RBFOX1: variants seen among roughly 807,000 people sequenced by gnomAD.
The protein encoded by RBFOX1 is RNA binding protein fox-1 homolog 1.
RBFOX1 carries 8 observed loss-of-function variants against 57.7 expected under a neutral mutation model. The ratio of observed to expected loss-of-function variants is 0.14; its 90% CI spans 0.08 to 0.25. The LOEUF (loss-of-function observed/expected upper bound fraction) is 0.25. Ranked by LOEUF, RBFOX1 falls within the 10% of genes least tolerant of loss-of-function variation. The probability of loss-of-function intolerance (pLI) is 1.00; values close to 1 mark genes in which losing one functional copy is unlikely to be tolerated. For synonymous variants in RBFOX1, 326 were observed against 222.4 expected (o/e 1.47, Z -4.15); for missense variants, 611 against 548.5 (o/e 1.11, Z -1.14).
intron 15 of RBFOX1, 157 bp from the exon 16 acceptor site, chr16:7,710,466 C>G: frequency 1.3e-6 from 2 of 1,493,056 alleles, no homozygotes; most frequent in Non-Finnish European, 1.8e-6. Context: ...CAGGAATGGC[C>G]CTATCTTTAG....
chr16:7,431,006 T>A (rs1256946592), intron 4 of RBFOX1, among the ~76,000 whole-genome samples: 2 of 152,172 alleles, frequency 1.3e-5, no homozygotes, highest in Non-Finnish European at 2.9e-5. Context: ...TAGTTTTGCT[T>A]TCACAATCAT....
intron 1 of RBFOX1, among the ~76,000 whole-genome samples, chr16:6,212,884 A>T (rs1227676848): frequency 6.6e-6 from 1 of 152,214 alleles, no homozygotes; most frequent in African/African-American, 2.4e-5. Context: ...TAGTAAAAAA[A>T]AGTCTGTTAT....
intron 2 of RBFOX1, among the ~76,000 whole-genome samples, chr16:6,361,060 A>C: frequency 6.6e-6 from 1 of 152,252 alleles, no homozygotes; most frequent in Admixed American, 6.5e-5. Flanking sequence ...TTTGTCTAAA[A>C]GTTTAATCTT....
At chr16:5,243,177 G>C (rs971901613) in intron 1 of RBFOX1, among the ~76,000 whole-genome samples, 5 of 152,164 alleles carry the variant, frequency 3.3e-5, no homozygotes, top group African/African-American at 1.2e-4. Context: ...TGGAGGGAGA[G>C]AGAAGTCTCT....
At chr16:6,052,835 A>ATAATAATAT (rs1420538281) in intron 1 of RBFOX1, among the ~76,000 whole-genome samples, 4 of 148,726 alleles carry the variant, frequency 2.7e-5, no homozygotes, top group African/African-American at 7.4e-5. Context: ...AATAATAATA[A>ATAATAATAT]TATTAATGCC....
intron 4 of RBFOX1, among the ~76,000 whole-genome samples, chr16:7,156,668 A>G (rs1601331749): frequency 1.3e-5 from 2 of 152,156 alleles, no homozygotes; most frequent in African/African-American, 4.8e-5. Context: ...AATTTTTAAT[A>G]GTTTTAGTAG....
chr16:5,827,402 G>GAAAAA lies in RBFOX1; in HGVS notation c.319-39901_319-39900insAAAAA, dbSNP rs374545272. ...ATGACAGAGCAAGACTCCATCTCAG[G>GAAAAA]GAAAAAAAAAAAAAAAAAAGAAAAG... On this transcript the variant is annotated intron_variant, in intron 3 of 19. Coordinates refer to the RBFOX1 transcript ENST00000641259. Among the ~76,000 whole-genome samples, 72 of 100,096 alleles carry GAAAAA rather than the reference G, an allele frequency of 7.2e-4. 5 individuals carry two copies. Among genetic ancestry groups the GAAAAA allele is most frequent in the East Asian group, 9.4e-4 (3 of 3,198 alleles). 65.7% of individuals were successfully genotyped at this position (100,096 alleles called of 152,430 possible).
chr16:6,429,617 G>A (rs1406337483), intron 2 of RBFOX1, among the ~76,000 whole-genome samples: 2 of 152,170 alleles, frequency 1.3e-5, no homozygotes, highest in African/African-American at 2.4e-5. Context: ...ATGTGTCAAG[G>A]GTGGGGCCAG....
At position 6,859,151 on chromosome 16, in the gene RBFOX1, ATG is replaced by A. The variant is rs1470933687; in HGVS notation, c.-15-192904_-15-192903del. Reference sequence around the variant, plus strand: ...TATACATATATATACGTATATATATATGTATATATATACGTATATATATGTAT... The same window carrying A: ...TATACATATATATACGTATATATATATATATATATACGTATATATATGTAT... On this transcript the variant is annotated intron_variant, in intron 3 of 15. Transcript: ENST00000550418. Among the ~76,000 whole-genome samples, 40 of 81,920 alleles carry A rather than the reference ATG, an allele frequency of 4.9e-4. 2 individuals are homozygous for A. The highest frequency in any genetic ancestry group is 5.7e-3 in the Middle Eastern group (1 of 174). 53.7% of individuals were successfully genotyped at this position (81,920 alleles called of 152,430 possible). A position where few individuals can be genotyped will look rare whatever the true frequency, so the allele number is the denominator to read the frequency against.
At chr16:5,852,033 A>G (rs945583205) in intron 3 of RBFOX1, among the ~76,000 whole-genome samples, 1 of 152,236 alleles carries the variant, frequency 6.6e-6, no homozygotes, top group Admixed American at 6.5e-5. Context: ...GAGAGGATCT[A>G]CATCATGGGG....
At chr16:7,093,200 C>T (rs1034146703) in intron 4 of RBFOX1, among the ~76,000 whole-genome samples, 1 of 152,166 alleles carries the variant, frequency 6.6e-6, no homozygotes, top group African/African-American at 2.4e-5. Flanking sequence ...TACTGGTCAC[C>T]GTGTATCTCA....
chr16:7,471,774 C>G (rs1042964538), intron 4 of RBFOX1, among the ~76,000 whole-genome samples: 1 of 152,192 alleles, frequency 6.6e-6, no homozygotes, highest in African/African-American at 2.4e-5. Flanking sequence ...CTTTCAGTCT[C>G]TTTCCCTTAA....
At position 7,147,282 on chromosome 16, in the gene RBFOX1, G is replaced by A. The variant is rs968858653; in HGVS notation, c.27+95184G>A. On this transcript the variant is annotated intron_variant, in intron 4 of 15. Transcript: ENST00000550418. ...AGCCTCCCAAAGTGCTGGGATTACA[G>A]GCATGAGCCACCACACCTGGCCCTA... Among the ~76,000 whole-genome samples the A allele has an allele frequency of 9.2e-5, 14 of 151,748 alleles. No individual in the cohort carries two copies. In the East Asian group the frequency reaches 2.4e-3, roughly 26 times the overall value.
chr16:5,505,752 A>G (rs751942579), intron 2 of RBFOX1, among the ~76,000 whole-genome samples: 6 of 152,136 alleles, frequency 3.9e-5, no homozygotes, highest in Middle Eastern at 3.2e-3. Flanking sequence ...CCATTCTGCC[A>G]CACTTGTGAA....
chr16:5,394,258 G>A (rs1290859690), intron 1 of RBFOX1, among the ~76,000 whole-genome samples: 8 of 152,022 alleles, frequency 5.3e-5, no homozygotes, highest in South Asian at 4.1e-4. Flanking sequence ...TCCTGAACTC[G>A]TGATCTGCCC....
intron 3 of RBFOX1, among the ~76,000 whole-genome samples, chr16:6,879,594 G>C (rs1370717089): frequency 6.6e-6 from 1 of 152,174 alleles, no homozygotes; most frequent in South Asian, 2.1e-4. Flanking sequence ...TTTAAAGCCA[G>C]TATCATCCAC....
rs114234649 is a variant in RBFOX1 at position 7,012,517 on chromosome 16, G to C, written c.-15-39540G>C. Among the ~76,000 whole-genome samples the C allele has an allele frequency of 2.9e-3, 443 of 152,268 alleles. 5 individuals carry two copies. The highest frequency in any genetic ancestry group is 0.01 in the African/African-American group (417 of 41,564). ...TTAATAACTGCCTGGAACAGACAGT[G>C]AGAAAAACAAGGACATTGGAACACC... On this transcript the variant is annotated intron_variant, in intron 3 of 15. Transcript: ENST00000550418.
chr16:5,764,768 C>T (rs981924589), intron 3 of RBFOX1, among the ~76,000 whole-genome samples: 5 of 151,542 alleles, frequency 3.3e-5, no homozygotes, highest in Non-Finnish European at 5.9e-5. Context: ...GAAAATCTGC[C>T]CTGCCTACCT....
chr16:5,720,191 G>T (rs1483694739), intron 3 of RBFOX1, among the ~76,000 whole-genome samples: 1 of 152,180 alleles, frequency 6.6e-6, no homozygotes, highest in Admixed American at 6.5e-5. Context: ...AACATTGTGT[G>T]TGTGCTTACT....
Sources: allele counts gnomAD v4.1 joint callset (sites outside exome capture counted in the v4.1 genomes callset), GRCh38; gene constraint gnomAD v4.1.1; transcripts MANE v1.5; gene names NCBI Gene and HGNC (gene_info 2026-07-23, HGNC 2026-07-21).